ARFGEF3: variants seen among roughly 807,000 people sequenced by gnomAD.
ARFGEF3 encodes ARFGEF family member 3.
ARFGEF3 carries 96 observed loss-of-function variants against 221.7 expected under a neutral mutation model. The ratio of observed to expected loss-of-function variants is 0.43; its 90% CI spans 0.37 to 0.51. The LOEUF is 0.51. Ranked by LOEUF, ARFGEF3 falls within the 20% of genes least tolerant of loss-of-function variation. The pLI, the probability that ARFGEF3 is intolerant of heterozygous loss-of-function variation, is 0.00. For synonymous variants in ARFGEF3, 1,145 were observed against 1,126.8 expected (o/e 1.02, Z -0.32); for missense variants, 2,410 against 2,789.9 (o/e 0.86, Z 3.07).
At chr6:138,287,007 G>C in intron 16 of ARFGEF3, 67 bp from the exon 17 acceptor site, 1 of 1,566,214 alleles carries the variant, frequency 6.4e-7, no homozygotes, top group South Asian at 1.2e-5. Context: ...CCTTTAGAAG[G>C]GGTTCTGCTA....
At chr6:138,232,466 G>GT (rs1042792341) in intron 5 of ARFGEF3, among the ~76,000 whole-genome samples, 4 of 152,062 alleles carry the variant, frequency 2.6e-5, no homozygotes, top group Admixed American at 1.3e-4. Flanking sequence ...CATTGGAAAG[G>GT]TTTTTTATAC....
At chr6:138,203,832 G>C (rs1251537545) in intron 2 of ARFGEF3, among the ~76,000 whole-genome samples, 1 of 151,860 alleles carries the variant, frequency 6.6e-6, no homozygotes. Flanking sequence ...TAGTAGAGAC[G>C]GGGTTTCACC....
chr6:138,316,142 T>A lies in ARFGEF3; in HGVS notation c.4346-1109T>A, dbSNP rs200114259. Reference sequence around the variant, plus strand: ...CTTTCCCATTTGTGCAAATCTTTGATTTTTTTTTCTAGGAACCCCATCTTC... The same window carrying A: ...CTTTCCCATTTGTGCAAATCTTTGAATTTTTTTTCTAGGAACCCCATCTTC... On this transcript the variant is annotated intron_variant, in intron 26 of 33. Transcript: ENST00000251691. Among the ~76,000 whole-genome samples, 3 of 151,594 alleles carry A rather than the reference T, an allele frequency of 2.0e-5. No homozygotes were observed. The East Asian group carries it at 5.8e-4, about 29-fold the overall frequency.
Position 138,291,691 on chromosome 6 carries a change from G to T in ARFGEF3, c.3048-42G>T. Reference sequence around the variant, plus strand: ...GTGGGGTTTATGGAGCTGCCGGGGTGAGCTGCAGCGCCTAACAGCTGCTTG... The same window carrying T: ...GTGGGGTTTATGGAGCTGCCGGGGTTAGCTGCAGCGCCTAACAGCTGCTTG... On this transcript the variant is annotated intron_variant, in intron 18 of 33. Coordinates refer to ENST00000251691, the MANE Select transcript of ARFGEF3 (RefSeq NM_020340.5). This position sits in a 1 kb window ranked among gnomAD's most constrained non-coding sequence, Gnocchi z 4.5. 1 of 1,276,834 alleles carries T rather than the reference G, an allele frequency of 7.8e-7. No individual in the cohort carries two copies. The highest frequency in any genetic ancestry group is 2.8e-5 in the South Asian group (1 of 35,882). 79.1% of individuals were successfully genotyped at this position (1,276,834 alleles called of 1,614,324 possible). A position where few individuals can be genotyped will look rare whatever the true frequency, so the allele number is the denominator to read the frequency against.
intron 4 of ARFGEF3, among the ~76,000 whole-genome samples, chr6:138,220,370 T>C (rs939943337): frequency 6.6e-6 from 1 of 152,240 alleles, no homozygotes; most frequent in African/African-American, 2.4e-5. Flanking sequence ...TCTATATATA[T>C]GTAGTCCTTT....
chr6:138,271,084 G>A (rs528674949), intron 12 of ARFGEF3, among the ~76,000 whole-genome samples: 14 of 152,302 alleles, frequency 9.2e-5, no homozygotes, highest in South Asian at 2.1e-4. Flanking sequence ...GAGTTTGCTT[G>A]CTTGCTTTAA....
At chr6:138,335,747 G>C (rs1780310718) in intron 33 of ARFGEF3, among the ~76,000 whole-genome samples, 1 of 152,200 alleles carries the variant, frequency 6.6e-6, no homozygotes, top group African/African-American at 2.4e-5. Context: ...TGAGTTCTTA[G>C]TGTGTCATTC....
rs189489448 is a variant in ARFGEF3 at position 138,251,132 on chromosome 6, A to G, written c.666-2748A>G. Among the ~76,000 whole-genome samples the G allele has an allele frequency of 8.5e-4, 129 of 152,316 alleles. 1 individual carries two copies. The highest frequency in any genetic ancestry group is 2.7e-3 in the African/African-American group (111 of 41,576). Reference sequence around the variant, plus strand: ...GACTCTCAGGCCAGTTACCTTGGCAATGTGTTCCCTGTCAGCGAGTCTGAT... The same window carrying G: ...GACTCTCAGGCCAGTTACCTTGGCAGTGTGTTCCCTGTCAGCGAGTCTGAT... On this transcript the variant is annotated intron_variant, in intron 8 of 33. Coordinates refer to ENST00000251691, the MANE Select transcript of ARFGEF3 (RefSeq NM_020340.5).
chr6:138,335,544 C>CAA (rs113813772), intron 33 of ARFGEF3, among the ~76,000 whole-genome samples: 28 of 127,004 alleles, frequency 2.2e-4, no homozygotes, highest in East Asian at 7.0e-4. Context: ...ATCATCTCTA[C>CAA]AAAAAAAAAA....
At chr6:138,200,563 A>G (rs1029702674) in intron 2 of ARFGEF3, among the ~76,000 whole-genome samples, 4 of 152,224 alleles carry the variant, frequency 2.6e-5, no homozygotes, top group South Asian at 2.1e-4. Flanking sequence ...AAACAAAAAC[A>G]TAAAGTGGGG....
rs765299824 is a variant in ARFGEF3, at chr6:138,341,356, A to T, written c.*4870A>T. 3 of 154,894 alleles carry T rather than the reference A, an allele frequency of 1.9e-5. No individual in the cohort carries two copies. Among genetic ancestry groups the T allele is most frequent in the Admixed American group, 1.3e-4 (2 of 15,296 alleles). 9.6% of individuals were successfully genotyped at this position (154,894 alleles called of 1,614,324 possible). A position where few individuals can be genotyped will look rare whatever the true frequency, so the allele number is the denominator to read the frequency against. On this transcript the variant is annotated 3_prime_UTR_variant, in exon 34 of 34. Transcript: ENST00000251691. ...GGATTTCTTGAAGAGCCAGGTGCTA[A>T]GGGCATCAGGTCGACATCCATAGTA... is the stretch of plus-strand genomic sequence containing the variant.
At chr6:138,290,117 T>A in intron 18 of ARFGEF3, 149 bp downstream of exon 18, 1 of 766,154 alleles carries the variant, frequency 1.3e-6, no homozygotes. Flanking sequence ...AAACTTCAAA[T>A]GAGACGTGAA....
intron 31 of ARFGEF3, among the ~76,000 whole-genome samples, chr6:138,325,883 C>G (rs145236361): frequency 6.6e-6 from 1 of 152,044 alleles, no homozygotes; most frequent in Non-Finnish European, 1.5e-5. Context: ...TTTTTTGAGA[C>G]TTGCTCTATC....
At chr6:138,222,972 C>A (rs954224137) in intron 4 of ARFGEF3, among the ~76,000 whole-genome samples, 1 of 152,178 alleles carries the variant, frequency 6.6e-6, no homozygotes, top group African/African-American at 2.4e-5. Context: ...CTTGTTTACT[C>A]TGTGACTCCA....
intron 1 of ARFGEF3, among the ~76,000 whole-genome samples, chr6:138,165,321 G>A (rs913588728): frequency 5.0e-5 from 7 of 140,270 alleles, no homozygotes; most frequent in Middle Eastern, 5.2e-3. Context: ...AGGGGCATCC[G>A]ACACTGAGAC....
intron 2 of ARFGEF3, among the ~76,000 whole-genome samples, chr6:138,193,054 G>A (rs1777340157): frequency 1.3e-5 from 2 of 152,110 alleles, no homozygotes; most frequent in Admixed American, 6.6e-5. Context: ...CTAAAGGTTA[G>A]TTTCTCTGAA....
chr6:138,215,858 G>C (rs1359152892), intron 4 of ARFGEF3: 5 of 129,804 alleles, frequency 3.9e-5, no homozygotes. Flanking sequence ...GTGTGTGTGT[G>C]TGTGTGTGTG....
chr6:138,166,433 ATCT>A (rs1776724209), intron 1 of ARFGEF3, among the ~76,000 whole-genome samples: 1 of 152,238 alleles, frequency 6.6e-6, no homozygotes, highest in Admixed American at 6.5e-5. Context: ...TAACTTTAGC[ATCT>A]TCTTCTACTC....
chr6:138,222,352 G>A (rs1219227790), intron 4 of ARFGEF3, among the ~76,000 whole-genome samples: 1 of 152,212 alleles, frequency 6.6e-6, no homozygotes, highest in African/African-American at 2.4e-5. Context: ...CATGTGCCCC[G>A]TGGGCCGCAG....
Sources: allele counts gnomAD v4.1 joint callset (sites outside exome capture counted in the v4.1 genomes callset), GRCh38; gene constraint gnomAD v4.1.1; non-coding constraint Gnocchi (gnomAD v3.1); transcripts MANE v1.5; gene names NCBI Gene and HGNC (gene_info 2026-07-23, HGNC 2026-07-21).